Variants in ZRANB3 observed in about 807,000 individuals in gnomAD.
ZRANB3 encodes the protein DNA annealing helicase and endonuclease ZRANB3.
ZRANB3 carries 125 observed loss-of-function variants against 133.8 expected under a neutral mutation model. The ratio of observed to expected loss-of-function variants is 0.93; its 90% CI spans 0.81 to 1.08. ZRANB3 has a LOEUF of 1.08. Ranked by LOEUF, ZRANB3 falls within the 50% of genes least tolerant of loss-of-function variation. The probability of loss-of-function intolerance (pLI) is 0.00; values close to 1 mark genes in which losing one functional copy is unlikely to be tolerated. For missense variants in ZRANB3, 1,229 were observed against 1,275.5 expected (o/e 0.96, Z 0.56); for synonymous variants, 387 against 432.7 (o/e 0.89, Z 1.31).
At chr2:135,274,770 C>T (rs941265702) in intron 9 of ZRANB3, among the ~76,000 whole-genome samples, 6 of 151,068 alleles carry the variant, frequency 4.0e-5, no homozygotes, top group Admixed American at 3.9e-4. Context: ...GAGGACCCTG[C>T]GGCCTTCCGC....
intron 2 of ZRANB3, among the ~76,000 whole-genome samples, chr2:135,420,101 A>ATG (rs200968054): frequency 0.023 from 2,195 of 96,320 alleles, 51 homozygotes; most frequent in African/African-American, 0.11. Flanking sequence ...TTATATATAT[A>ATG]TATATATATA....
chr2:135,408,075 T>A (rs937856246), intron 2 of ZRANB3, among the ~76,000 whole-genome samples: 4 of 151,638 alleles, frequency 2.6e-5, no homozygotes, highest in African/African-American at 9.7e-5. Context: ...AATCTACCCA[T>A]CTGACAAAGG....
intron 3 of ZRANB3, among the ~76,000 whole-genome samples, chr2:135,376,705 G>C (rs1180914416): frequency 1.3e-5 from 2 of 152,192 alleles, no homozygotes; most frequent in East Asian, 1.9e-4. Context: ...TTGAATAAAT[G>C]AGGCACAAGG....
intron 15 of ZRANB3, among the ~76,000 whole-genome samples, chr2:135,221,655 G>A (rs1694558689): frequency 6.6e-6 from 1 of 152,242 alleles, no homozygotes; most frequent in Non-Finnish European, 1.5e-5. Context: ...TCCCTCTCAT[G>A]TGATGGTCTG....
At chr2:135,426,235 C>T (rs1689060026) in intron 2 of ZRANB3, among the ~76,000 whole-genome samples, 1 of 152,064 alleles carries the variant, frequency 6.6e-6, no homozygotes, top group Non-Finnish European at 1.5e-5. Flanking sequence ...GAAGAATTGA[C>T]AGCCAAATTC....
chr2:135,411,784 C>T lies in ZRANB3; in HGVS notation c.162-20964G>A, dbSNP rs531626764. On this transcript the variant is annotated intron_variant, in intron 2 of 20. Coordinates refer to ENST00000264159, the MANE Select transcript of ZRANB3 (RefSeq NM_032143.4). ...CTCCAAAAGGGGGTAGAGGCAAAGG[C>T]GGGCAAGGGTTGAAAAACTATTGAG... Among the ~76,000 whole-genome samples, 55 of 152,140 alleles carry T rather than the reference C, an allele frequency of 3.6e-4. 1 individual carries two copies. The highest frequency in any genetic ancestry group is 1.2e-3 in the Admixed American group (19 of 15,260).
Position 135,207,720 on chromosome 2 carries a change from C to G in ZRANB3, c.2723G>C (p.Gly908Ala). 6.2e-7 allele frequency: 1 copy of G among 1,613,990 alleles called. No homozygotes were observed. The highest frequency in any genetic ancestry group is 1.1e-5 in the South Asian group (1 of 91,070). ...KGYLQAVDNEGNPLCLRCQQP... is the reference protein window; with the variant it reads ...KGYLQAVDNEANPLCLRCQQP... Reference sequence around the variant, plus strand: ...CTGACAGCGAAGGCAAAGTGGATTTCCTTCATTATCCACAGCTTGCAAATA... The same window carrying G: ...CTGACAGCGAAGGCAAAGTGGATTTGCTTCATTATCCACAGCTTGCAAATA... Residue 908 changes from glycine to alanine, a missense_variant, in exon 19 of 21, where the codon GGA (glycine) becomes GCA (alanine). Gly to Ala is a moderately conservative substitution (Grantham distance 60). Transcript: ENST00000264159.
chr2:135,374,037 A>C (rs560988144), intron 3 of ZRANB3, among the ~76,000 whole-genome samples: 6 of 152,312 alleles, frequency 3.9e-5, no homozygotes, highest in African/African-American at 1.2e-4. Flanking sequence ...TAATTGGTAA[A>C]GATTACAACA....
chr2:135,304,099 A>G (rs543464062), intron 8 of ZRANB3, among the ~76,000 whole-genome samples: 2 of 152,282 alleles, frequency 1.3e-5, no homozygotes, highest in South Asian at 2.1e-4. Context: ...TTCTTTTTCT[A>G]GCCTTAATGC....
chr2:135,339,811 AT>A (rs1383350438), intron 6 of ZRANB3, among the ~76,000 whole-genome samples: 1 of 152,106 alleles, frequency 6.6e-6, no homozygotes, highest in East Asian at 1.9e-4. Flanking sequence ...ATTTGTTTAC[AT>A]TTTTTGCACA....
chr2:135,340,016 TA>T (rs1684561287), intron 6 of ZRANB3, among the ~76,000 whole-genome samples: 1 of 152,058 alleles, frequency 6.6e-6, no homozygotes, highest in African/African-American at 2.4e-5. Context: ...ATGTTTTATT[TA>T]GGGTTTTATT....
intron 6 of ZRANB3, among the ~76,000 whole-genome samples, chr2:135,339,655 G>A (rs1047751076): frequency 6.6e-6 from 1 of 152,174 alleles, no homozygotes; most frequent in African/African-American, 2.4e-5. Flanking sequence ...TTCTTCATAT[G>A]CTCATGATAT....
chr2:135,246,326 T>C lies in ZRANB3; in HGVS notation c.1540-15399A>G, dbSNP rs192881946. Among the ~76,000 whole-genome samples the C allele has an allele frequency of 3.9e-5, 6 of 152,300 alleles. No homozygotes were observed. The East Asian group carries it at 9.7e-4, about 25-fold the overall frequency. ...CTTAAACAAGATACTAATTTGTAGATACAGATATCAAATAAAAATATGCTT... is the reference window on the plus strand; with the variant it reads ...CTTAAACAAGATACTAATTTGTAGACACAGATATCAAATAAAAATATGCTT... On this transcript the variant is annotated intron_variant, in intron 12 of 20. Transcript: ENST00000264159.
At chr2:135,231,186 T>C (rs1694996908) in intron 12 of ZRANB3, among the ~76,000 whole-genome samples, 1 of 152,168 alleles carries the variant, frequency 6.6e-6, no homozygotes, top group Non-Finnish European at 1.5e-5. Flanking sequence ...TATTAACTCA[T>C]TTAATCCTCA....
chr2:135,516,179 T>C (rs925988379), intron 1 of ZRANB3, among the ~76,000 whole-genome samples: 2 of 152,152 alleles, frequency 1.3e-5, no homozygotes, highest in East Asian at 1.9e-4. Context: ...ATGTGTGTCT[T>C]TGCACGTGAG....
intron 12 of ZRANB3, among the ~76,000 whole-genome samples, chr2:135,250,151 C>T (rs1679318232): frequency 6.6e-6 from 1 of 152,108 alleles, no homozygotes; most frequent in Non-Finnish European, 1.5e-5. Flanking sequence ...GCAAAAGTGA[C>T]TCTTGTTATG....
intron 12 of ZRANB3, among the ~76,000 whole-genome samples, chr2:135,232,936 G>A (rs1695102687): frequency 6.6e-6 from 1 of 152,208 alleles, no homozygotes; most frequent in African/African-American, 2.4e-5. Context: ...GAACAAAGCT[G>A]GATGGAGAAT....
chr2:135,399,771 C>T (rs1687655763), intron 2 of ZRANB3, among the ~76,000 whole-genome samples: 1 of 152,152 alleles, frequency 6.6e-6, no homozygotes, highest in Non-Finnish European at 1.5e-5. Context: ...GATCTTGGTA[C>T]ATGGTCACGG....
At chr2:135,272,753 G>C (rs1680592225) in intron 9 of ZRANB3, among the ~76,000 whole-genome samples, 1 of 152,042 alleles carries the variant, frequency 6.6e-6, no homozygotes, top group Non-Finnish European at 1.5e-5. Flanking sequence ...CATCTCCAGA[G>C]AGGTGGGGCA....
Sources: gnomAD v4.1 joint callset for allele counts (sites outside exome capture counted in the v4.1 genomes callset) on GRCh38, gnomAD v4.1.1 for gene constraint, MANE v1.5 for transcripts, NCBI Gene and HGNC (gene_info 2026-07-23, HGNC 2026-07-21) for gene names.